USP22: variants seen among roughly 807,000 people sequenced by gnomAD.
The protein encoded by USP22 is ubiquitin specific peptidase 22, also known as ubiquitin carboxyl-terminal hydrolase 22.
USP22 carries 22 observed loss-of-function variants against 68.1 expected under a neutral mutation model. That is an observed-to-expected ratio of 0.32 (90% CI 0.23 to 0.46). The LOEUF (loss-of-function observed/expected upper bound fraction) is 0.46. Ranked by LOEUF, USP22 falls within the 20% of genes least tolerant of loss-of-function variation. The pLI, the probability that USP22 is intolerant of heterozygous loss-of-function variation, is 1.00. For synonymous variants in USP22, 279 were observed against 274.2 expected (o/e 1.02, Z -0.17); for missense variants, 433 against 695.8 (o/e 0.62, Z 4.25).
intron 12 of USP22, 26 bp from the exon 13 acceptor site, chr17:21,003,099 G>A: frequency 6.2e-7 from 1 of 1,613,334 alleles, no homozygotes. Flanking sequence ...GAGGGAGGAG[G>A]CTCACCTCTA....
chr17:21,008,012 A>G lies in USP22; in HGVS notation c.1104-16T>C. ...TCTGGTGAATCTACAGGCGTTCAAA[A>G]AAGACAGGAGCGGTAAGGGAGATGC... On this transcript the variant is annotated splice_polypyrimidine_tract_variant and intron_variant, in intron 8 of 12. Coordinates refer to ENST00000261497, the MANE Select transcript of USP22 (RefSeq NM_015276.2). 1 of 1,613,230 alleles carries G rather than the reference A, an allele frequency of 6.2e-7. No homozygotes were observed. Among genetic ancestry groups the G allele is most frequent in the Non-Finnish European group, 8.5e-7 (1 of 1,179,596 alleles).
At chr17:21,010,639 G>T (rs551530835) in intron 8 of USP22, among the ~76,000 whole-genome samples, 2 of 150,500 alleles carry the variant, frequency 1.3e-5, no homozygotes, top group East Asian at 3.9e-4. Flanking sequence ...ATTCCAGCCT[G>T]GTCGACAGAG....
At chr17:21,011,379 G>C in intron 7 of USP22, 70 bp from the exon 8 acceptor site, 7 of 1,534,666 alleles carry the variant, frequency 4.6e-6, no homozygotes, top group Non-Finnish European at 6.2e-6. Flanking sequence ...ACCCGGGGTG[G>C]AAGCCGTTCC....
At chr17:21,023,343 A>T (rs573420609) in intron 2 of USP22, among the ~76,000 whole-genome samples, 1 of 152,318 alleles carries the variant, frequency 6.6e-6, no homozygotes, top group South Asian at 2.1e-4. Context: ...AATAAAAGTT[A>T]AAATATTTTT....
chr17:21,022,677 T>C (rs2143591780), intron 2 of USP22, among the ~76,000 whole-genome samples: 1 of 152,142 alleles, frequency 6.6e-6, no homozygotes, highest in East Asian at 1.9e-4. Flanking sequence ...CAGGCACCTA[T>C]AGTCCCAGCT....
At chr17:21,007,773 T>C (rs2143524666) in intron 9 of USP22, 97 bp downstream of exon 9, 3 of 1,464,636 alleles carry the variant, frequency 2.0e-6, no homozygotes, top group Non-Finnish European at 2.8e-6. Flanking sequence ...GCTGCAATTA[T>C]AAAAAATGTA....
chr17:21,027,665 C>T lies in USP22; in HGVS notation c.304+877G>A, dbSNP rs139496980. On this transcript the variant is annotated intron_variant, in intron 2 of 12. Coordinates refer to ENST00000261497, the MANE Select transcript of USP22 (RefSeq NM_015276.2). ...CTGTGTAGAAGAAACAGTTAATGCA[C>T]GAAGTCAGAAAACAAAGCCAAGGCC... Among the ~76,000 whole-genome samples the T allele has an allele frequency of 1.2e-3, 178 of 152,212 alleles. 1 individual carries two copies. The East Asian group carries it at 0.013, about 11-fold the overall frequency.
In USP22 at chr17:21,003,146, C is replaced by T. The variant is rs762775554; in HGVS notation, c.1536-73G>A. The T allele has an allele frequency of 2.5e-6, 4 of 1,569,794 alleles. No individual in the cohort carries two copies. In the East Asian group the frequency reaches 9.0e-5, roughly 35 times the overall value. On this transcript the variant is annotated intron_variant, in intron 12 of 12. Transcript: ENST00000261497. ...AGGAGCCAGAACAACCCACCCTACA[C>T]AAAAGCCTACGTGCTCTGCGCTCTG...
chr17:21,043,121 T>TCCCCC (rs1277714053), upstream of USP22: 1 of 27,742 alleles, frequency 3.6e-5, no homozygotes, highest in Non-Finnish European at 7.2e-5. Context: ...GGAGATTACG[T>TCCCCC]CACCCCCCCC....
At chr17:21,040,695 C>T (rs996736603) in intron 1 of USP22, among the ~76,000 whole-genome samples, 1 of 151,140 alleles carries the variant, frequency 6.6e-6, no homozygotes, top group African/African-American at 2.4e-5. Context: ...TTAAAAAATA[C>T]CAGAGGGGGG....
chr17:21,032,041 T>C (rs892332376), intron 1 of USP22, among the ~76,000 whole-genome samples: 1 of 152,270 alleles, frequency 6.6e-6, no homozygotes, highest in Non-Finnish European at 1.5e-5. Context: ...GCATGTACAA[T>C]GGCGGTCCCA....
intron 1 of USP22, among the ~76,000 whole-genome samples, chr17:21,030,846 G>A (rs1482915105): frequency 6.6e-6 from 1 of 152,170 alleles, no homozygotes; most frequent in African/African-American, 2.4e-5. Flanking sequence ...GGATATTATT[G>A]GAACAATTCA....
At chr17:21,022,093 C>A (rs1035710835) in intron 2 of USP22, among the ~76,000 whole-genome samples, 1 of 151,826 alleles carries the variant, frequency 6.6e-6, no homozygotes, top group Non-Finnish European at 1.5e-5. Context: ...GAGTGAGACT[C>A]TGTCTCAAAA....
chr17:21,004,300 G>A lies in USP22; in HGVS notation c.1437C>T (p.His479=). Residue 479 remains histidine, a synonymous_variant, in exon 12 of 13, where the codon CAC becomes CAT. Coordinates refer to ENST00000261497, the MANE Select transcript of USP22 (RefSeq NM_015276.2). ...TGTGCTGCCGGATAAAGCTGGTGTA[G>A]TGGCCACTCTCCAAGGTCCCTTGAT... ...VNHQGTLESG[H]YTSFIRQHKD... 1 of 1,614,208 alleles carries A rather than the reference G, an allele frequency of 6.2e-7. No individual in the cohort carries two copies. Among genetic ancestry groups the A allele is most frequent in the African/African-American group, 1.3e-5 (1 of 75,058 alleles).
Position 21,000,097 on chromosome 17 carries a change from T to C in USP22, c.*2934A>G, listed in dbSNP as rs1913509329. 6.6e-6 allele frequency: 1 copy of C among 152,132 alleles called. No individual in the cohort carries two copies. Among genetic ancestry groups the C allele is most frequent in the Admixed American group, 6.5e-5 (1 of 15,284 alleles). The allele number at this position is 152,132 out of a possible 1,614,324, so 9.4% of individuals were successfully genotyped here. A position where few individuals can be genotyped will look rare whatever the true frequency, so the allele number is the denominator to read the frequency against. On this transcript the variant is annotated 3_prime_UTR_variant, in exon 13 of 13. Transcript: ENST00000261497. Reference sequence around the variant, plus strand: ...GGAGGCACTGAAAGGCCAGCCAGCATCTCCAAAATGCAGGCCATTTTAACA... The same window carrying C: ...GGAGGCACTGAAAGGCCAGCCAGCACCTCCAAAATGCAGGCCATTTTAACA...
intron 1 of USP22, among the ~76,000 whole-genome samples, chr17:21,034,985 C>G (rs1319117343): frequency 6.6e-6 from 1 of 152,070 alleles, no homozygotes; most frequent in Admixed American, 6.6e-5. Context: ...GGAATGTATC[C>G]CTCAAGGATG....
Position 21,021,090 on chromosome 17 carries a change from G to A in USP22, c.418+23C>T, listed in dbSNP as rs752475435. 5.1e-6 allele frequency: 8 copies of A among 1,581,074 alleles called. No homozygotes were observed. The South Asian group carries it at 7.8e-5, about 15-fold the overall frequency. ...CATGAGGGAACTGCAGGATCAAGCA[G>A]GTAAACTGAGGTGGAACCAAACCTT... On this transcript the variant is annotated intron_variant, in intron 3 of 12. Transcript: ENST00000261497.
intron 4 of USP22, among the ~76,000 whole-genome samples, chr17:21,018,571 A>G (rs1972116422): frequency 6.6e-6 from 1 of 151,958 alleles, no homozygotes; most frequent in South Asian, 2.1e-4. Flanking sequence ...AATTATCCAA[A>G]CATGGTGGTG....
intron 1 of USP22, among the ~76,000 whole-genome samples, 181 bp downstream of exon 1, chr17:21,042,484 G>GGGGGGAAGGAAAGGA (rs1320792108): frequency 6.8e-6 from 1 of 146,124 alleles, no homozygotes; most frequent in African/African-American, 2.5e-5. Flanking sequence ...AGAGAGTTGA[G>GGGGGGAAGGAAAGGA]GGGGGAAGGA....
Sources: allele counts gnomAD v4.1 joint callset (sites outside exome capture counted in the v4.1 genomes callset), GRCh38; gene constraint gnomAD v4.1.1; transcripts MANE v1.5; gene names NCBI Gene and HGNC (gene_info 2026-07-23, HGNC 2026-07-21).